Variants in ZFR2 observed in about 807,000 individuals in gnomAD.
ZFR2 encodes the protein zinc finger RNA-binding protein 2.
ZFR2 carries 104 observed loss-of-function variants against 105.7 expected under a neutral mutation model. The observed-to-expected ratio is 0.98, with a 90% CI of 0.84 to 1.16. The LOEUF (loss-of-function observed/expected upper bound fraction) is 1.16. ZFR2 is among the 50% of genes most tolerant of loss of function. The pLI, the probability that ZFR2 is intolerant of heterozygous loss-of-function variation, is 0.00. For missense variants in ZFR2, 1,425 were observed against 1,355.5 expected (o/e 1.05, Z -0.80); for synonymous variants, 634 against 597.7 (o/e 1.06, Z -0.89).
In ZFR2 at chr19:3,811,460, C is replaced by CTT. The variant is rs969937996; in HGVS notation, c.2243-96_2243-95dup. On this transcript the variant is annotated intron_variant, in intron 14 of 18. Coordinates refer to ENST00000262961, the MANE Select transcript of ZFR2 (RefSeq NM_015174.2). ...GGGGCTCAGTTTGGGCCCCTCGACG[C>CTT]TTTTTTTTTTTTGAGACACAGTTTC... 562 of 879,042 alleles carry CTT rather than the reference C, an allele frequency of 6.4e-4. 1 individual carries two copies. The highest frequency in any genetic ancestry group is 6.9e-4 in the East Asian group (19 of 27,528). The allele number at this position is 879,042 out of a possible 1,614,324, so 54.5% of individuals were successfully genotyped here.
chr19:3,865,338 C>T (rs548685139), intron 1 of ZFR2, among the ~76,000 whole-genome samples: 47 of 152,108 alleles, frequency 3.1e-4, no homozygotes, highest in African/African-American at 1.1e-3. Context: ...CCCAGGGCTA[C>T]GGTTATCATT....
At chr19:3,868,682 G>T (rs988949705) in intron 1 of ZFR2, among the ~76,000 whole-genome samples, 1 of 151,524 alleles carries the variant, frequency 6.6e-6, no homozygotes, top group African/African-American at 2.4e-5. Context: ...CCAAACCCAG[G>T]CCCCCTCCCA....
chr19:3,867,826 C>T (rs2038449931), intron 1 of ZFR2, among the ~76,000 whole-genome samples: 1 of 151,940 alleles, frequency 6.6e-6, no homozygotes, highest in African/African-American at 2.4e-5. Context: ...CCTCCCAGGT[C>T]TCTGTCTTCT....
At chr19:3,835,336 T>A (rs889025120) in intron 1 of ZFR2, among the ~76,000 whole-genome samples, 6 of 152,016 alleles carry the variant, frequency 3.9e-5, no homozygotes, top group African/African-American at 1.4e-4. Flanking sequence ...TGAACTTTTT[T>A]ATTTTTTGAG....
At position 3,816,727 on chromosome 19, in the gene ZFR2, G is replaced by C. The variant is rs766805703; in HGVS notation, c.2050C>G (p.Pro684Ala). 5.0e-6 allele frequency: 8 copies of C among 1,612,394 alleles called. No homozygotes were observed. The highest frequency in any genetic ancestry group is 4.0e-5 in the African/African-American group (3 of 74,936). ...ATCCTCCGCAGCAGGCTGTGCGTGG[G>C]CTTCTCGGAGCAGAGCAGAGCGAGG... The part of the protein sequence containing the change: ...VRLALLCSEK[P>A]THSLLRRIAQ... Residue 684 changes from proline to alanine, a missense_variant, in exon 13 of 19, where the codon CCC becomes GCC. Physicochemically the swap from Pro to Ala is conservative, Grantham distance 27. Transcript: ENST00000262961.
In ZFR2 at chr19:3,839,577, A is replaced by G. The variant is rs1053550945; in HGVS notation, c.54-4594T>C. Reference sequence around the variant, plus strand: ...AAAAAAAAAAAAAAAAAAAAAAAAAAAGCAGAAAGCAGTGATCAGTAGCTC... The same window carrying G: ...AAAAAAAAAAAAAAAAAAAAAAAAAGAGCAGAAAGCAGTGATCAGTAGCTC... On this transcript the variant is annotated intron_variant, in intron 1 of 18. Coordinates refer to ENST00000262961, the MANE Select transcript of ZFR2 (RefSeq NM_015174.2). Among the ~76,000 whole-genome samples, 10 of 126,674 alleles carry G rather than the reference A, an allele frequency of 7.9e-5. No homozygotes were observed. The East Asian group carries it at 2.6e-3, about 32-fold the overall frequency. The allele number at this position is 126,674 out of a possible 152,430, so 83.1% of individuals were successfully genotyped here. A position where few individuals can be genotyped will look rare whatever the true frequency, so the allele number is the denominator to read the frequency against.
chr19:3,814,841 G>A (rs1383597822), intron 13 of ZFR2, among the ~76,000 whole-genome samples: 3 of 152,098 alleles, frequency 2.0e-5, no homozygotes, highest in Non-Finnish European at 4.4e-5. Context: ...CGGCCTTCAG[G>A]CCTGGCTTGA....
Position 3,831,648 on chromosome 19 carries a change from C to T in ZFR2, c.598+12G>A, listed in dbSNP as rs781181734. 2.5e-5 allele frequency: 38 copies of T among 1,530,378 alleles called. No homozygotes were observed. Among genetic ancestry groups the T allele is most frequent in the South Asian group, 3.8e-5 (3 of 79,130 alleles). The allele number at this position is 1,530,378 out of a possible 1,614,324, so 94.8% of individuals were successfully genotyped here. A position where few individuals can be genotyped will look rare whatever the true frequency, so the allele number is the denominator to read the frequency against. On this transcript the variant is annotated intron_variant, in intron 4 of 18. Coordinates refer to ENST00000262961, the MANE Select transcript of ZFR2 (RefSeq NM_015174.2). ...ACGGGCAGACCACCTGGGCAAGGAACGCTGGTCTTACCCGTGTAGGCGGTG... is the reference window on the plus strand; with the variant it reads ...ACGGGCAGACCACCTGGGCAAGGAATGCTGGTCTTACCCGTGTAGGCGGTG...
rs966123745 is a variant in ZFR2 at position 3,861,887 on chromosome 19, T to C, written c.53+7078A>G. 1.0e-4 allele frequency among the ~76,000 whole-genome samples: 15 copies of C among 150,282 alleles called. 1 individual carries two copies. In the South Asian group the frequency reaches 1.1e-3, roughly 11 times the overall value. On this transcript the variant is annotated intron_variant, in intron 1 of 18. Transcript: ENST00000262961. ...GTTGCAGTGAGCCGAGATCGCGCCA[T>C]TGCACTCCAGCCTGGGCAACAGAGT...
In ZFR2 at chr19:3,825,356, C is replaced by G; in HGVS notation, c.1087G>C (p.Ala363Pro). 6.3e-7 allele frequency: 1 copy of G among 1,591,986 alleles called. No individual in the cohort carries two copies. The highest frequency in any genetic ancestry group is 8.5e-7 in the Non-Finnish European group (1 of 1,171,490). Residue 363 changes from alanine (A) to proline (P), a missense_variant, in exon 7 of 19, where the codon GCA (alanine) becomes CCA (proline). Ala to Pro is a conservative substitution (Grantham distance 27). Coordinates refer to ENST00000262961, the MANE Select transcript of ZFR2 (RefSeq NM_015174.2). The part of the protein sequence containing the change: ...LGKPIPTLEP[A>P]LATESPPGAE... The stretch of plus-strand genomic sequence containing the variant: ...CCGGGGGGGCTCTCTGTGGCCAGTG[C>G]AGGCTCGAGGGTGGGAATGGGCTTC...
Position 3,838,705 on chromosome 19 carries a change from C to T in ZFR2, c.54-3722G>A, listed in dbSNP as rs1837910458. On this transcript the variant is annotated intron_variant, in intron 1 of 18. Transcript: ENST00000262961. The surrounding 1 kb of genome is among the most constrained non-coding windows in gnomAD (Gnocchi z 4.9). Reference sequence around the variant, plus strand: ...GCCTGCAAGTGGCTGCTCAGTGACACCCTGGGACGAGCCCTCCTGGAGCCC... The same window carrying T: ...GCCTGCAAGTGGCTGCTCAGTGACATCCTGGGACGAGCCCTCCTGGAGCCC... Among the ~76,000 whole-genome samples the T allele has an allele frequency of 6.6e-6, 1 of 152,194 alleles. No homozygotes were observed. Among genetic ancestry groups the T allele is most frequent in the South Asian group, 2.1e-4 (1 of 4,830 alleles).
At chr19:3,855,771 TG>T (rs1322758066) in intron 1 of ZFR2, among the ~76,000 whole-genome samples, 9 of 151,820 alleles carry the variant, frequency 5.9e-5, no homozygotes, top group African/African-American at 2.2e-4. Context: ...GGGAATTGCA[TG>T]GGAAGGGCCT....
intron 1 of ZFR2, among the ~76,000 whole-genome samples, chr19:3,848,808 G>T (rs377365040): frequency 6.6e-6 from 1 of 151,754 alleles, no homozygotes; most frequent in Non-Finnish European, 1.5e-5. Context: ...TGGCTAACAC[G>T]GTGAAACCCC....
intron 11 of ZFR2, 65 bp from the exon 12 acceptor site, chr19:3,819,300 C>CAGGCAGGT (rs71307197): frequency 5.0e-6 from 7 of 1,401,334 alleles, no homozygotes; most frequent in South Asian, 1.5e-5. Context: ...GCTGGGCAGG[C>CAGGCAGGT]GGGCAGGTGG....
chr19:3,808,849 G>C, intron 17 of ZFR2, 23 bp downstream of exon 17: 1 of 1,528,954 alleles, frequency 6.5e-7, no homozygotes, highest in Non-Finnish European at 8.8e-7. Context: ...CCACCTCCTG[G>C]GCCCTCCGGC....
Position 3,813,219 on chromosome 19 carries a change from G to C in ZFR2, c.2242+601C>G, listed in dbSNP as rs990627392. Among the ~76,000 whole-genome samples the C allele has an allele frequency of 6.6e-6, 1 of 152,240 alleles. No homozygotes were observed. Among genetic ancestry groups the C allele is most frequent in the African/African-American group, 2.4e-5 (1 of 41,464 alleles). On this transcript the variant is annotated intron_variant, in intron 14 of 18. Transcript: ENST00000262961. The surrounding 1 kb of genome is among the most constrained non-coding windows in gnomAD (Gnocchi z 4.4). Reference sequence around the variant, plus strand: ...GGAAAACTGCCCTAGAGACTGTTCTGGAAGATTCCACAGCTGGCTGAGACT... The same window carrying C: ...GGAAAACTGCCCTAGAGACTGTTCTCGAAGATTCCACAGCTGGCTGAGACT...
At chr19:3,840,937 G>A (rs1017311237) in intron 1 of ZFR2, among the ~76,000 whole-genome samples, 4 of 152,120 alleles carry the variant, frequency 2.6e-5, no homozygotes, top group African/African-American at 9.7e-5. Context: ...GGTGACCGGG[G>A]GCCAGCATGG....
At chr19:3,852,468 T>C (rs1158512885) in intron 1 of ZFR2, 1 of 718,462 alleles carries the variant, frequency 1.4e-6, no homozygotes, top group Admixed American at 2.0e-5. Flanking sequence ...CCAGGCAGGG[T>C]CCCATAAGAT....
intron 7 of ZFR2, 103 bp downstream of exon 7, chr19:3,825,127 A>G: frequency 7.5e-7 from 1 of 1,333,152 alleles, no homozygotes; most frequent in Non-Finnish European, 9.7e-7. Context: ...ACCCCCCGGG[A>G]AGACATGACG....
Sources: gnomAD v4.1 joint callset for allele counts (sites outside exome capture counted in the v4.1 genomes callset) on GRCh38, gnomAD v4.1.1 for gene constraint, Gnocchi (gnomAD v3.1) non-coding constraint, MANE v1.5 for transcripts, NCBI Gene and HGNC (gene_info 2026-07-23, HGNC 2026-07-21) for gene names.